The following XKR4 variants were observed in gnomAD, a reference collection of about 807,000 sequenced individuals.
The protein encoded by XKR4 is XK-related protein 4.
A neutral mutation model predicts 53.9 loss-of-function variants in XKR4; 12 were observed. The observed-to-expected ratio is 0.22, with a 90% CI of 0.14 to 0.36. The LOEUF (loss-of-function observed/expected upper bound fraction) is 0.36. XKR4 is among the 10% of genes least tolerant of loss of function. The pLI is 1.00. For missense variants in XKR4, 799 were observed against 859.5 expected, an observed-to-expected ratio of 0.93 and a Z score of 0.88; for synonymous variants, 354 against 362.4, an observed-to-expected ratio of 0.98 and a Z score of 0.26.
intron 1 of XKR4, among the ~76,000 whole-genome samples, chr8:55,324,959 A>C (rs894070474): frequency 4.6e-5 from 7 of 152,120 alleles, no homozygotes; most frequent in Non-Finnish European, 7.4e-5. Context: ...CTACAGGGTC[A>C]CTGATTGTTT....
At chr8:55,109,708 T>C (rs1026244117) in intron 1 of XKR4, among the ~76,000 whole-genome samples, 2 of 152,188 alleles carry the variant, frequency 1.3e-5, no homozygotes, top group Admixed American at 1.3e-4. Context: ...AGGGTAAATA[T>C]TTTTATACTT....
At chr8:55,179,877 G>C (rs1817283698) in intron 1 of XKR4, among the ~76,000 whole-genome samples, 1 of 152,018 alleles carries the variant, frequency 6.6e-6, no homozygotes, top group South Asian at 2.1e-4. Context: ...TTACATATTT[G>C]AATATAATCA....
intron 2 of XKR4, among the ~76,000 whole-genome samples, chr8:55,438,407 G>A (rs983326511): frequency 5.9e-5 from 9 of 151,942 alleles, no homozygotes; most frequent in African/African-American, 2.2e-4. Flanking sequence ...CCAACATGGT[G>A]AAACCCCGTC....
chr8:55,349,111 C>T (rs1446361751), intron 1 of XKR4, among the ~76,000 whole-genome samples: 6 of 152,138 alleles, frequency 3.9e-5, no homozygotes, highest in Non-Finnish European at 8.8e-5. Context: ...TTACTTATTG[C>T]TTACTAGGTA....
At chr8:55,454,501 G>A (rs576820829) in intron 2 of XKR4, 3 of 1,235,008 alleles carry the variant, frequency 2.4e-6, no homozygotes, top group African/African-American at 1.5e-5. Flanking sequence ...AAGACAGTAC[G>A]TTGGTGATGC....
intron 1 of XKR4, among the ~76,000 whole-genome samples, chr8:55,146,271 C>T (rs868512922): frequency 6.6e-6 from 1 of 152,124 alleles, no homozygotes; most frequent in Non-Finnish European, 1.5e-5. Flanking sequence ...ATGAGCTTGG[C>T]AGAGATGACT....
intron 1 of XKR4, among the ~76,000 whole-genome samples, chr8:55,275,025 A>G (rs868431477): frequency 6.6e-6 from 1 of 152,238 alleles, no homozygotes; most frequent in Non-Finnish European, 1.5e-5. Context: ...CTGGAATTTG[A>G]AAATCTTATT....
chr8:55,212,515 C>T (rs769706212), intron 1 of XKR4, among the ~76,000 whole-genome samples: 14 of 152,056 alleles, frequency 9.2e-5, no homozygotes, highest in Non-Finnish European at 2.9e-5. Context: ...AAATTCCAAG[C>T]GGAGGGAGGT....
chr8:55,500,870 A>C (rs1806425885), intron 2 of XKR4, among the ~76,000 whole-genome samples: 1 of 152,226 alleles, frequency 6.6e-6, no homozygotes, highest in African/African-American at 2.4e-5. Context: ...TCTAGTTCTA[A>C]ACCCAGGTTC....
At chr8:55,380,666 G>T (rs1279558419) in intron 2 of XKR4, among the ~76,000 whole-genome samples, 1 of 152,214 alleles carries the variant, frequency 6.6e-6, no homozygotes, top group Non-Finnish European at 1.5e-5. Flanking sequence ...ACACCCAAAT[G>T]CCAAGAGAGA....
chr8:55,230,789 G>T (rs1426359710), intron 1 of XKR4, among the ~76,000 whole-genome samples: 1 of 152,122 alleles, frequency 6.6e-6, no homozygotes, highest in Non-Finnish European at 1.5e-5. Flanking sequence ...CAAACCACTG[G>T]TCACCTTTAT....
intron 1 of XKR4, among the ~76,000 whole-genome samples, chr8:55,130,200 A>G (rs1286009522): frequency 6.6e-6 from 1 of 152,060 alleles, no homozygotes; most frequent in Admixed American, 6.6e-5. Context: ...ATACTCAAAA[A>G]AGCTAATAAA....
At chr8:55,336,007 CAT>C (rs1322673270) in intron 1 of XKR4, among the ~76,000 whole-genome samples, 63 of 118,408 alleles carry the variant, frequency 5.3e-4, no homozygotes, top group African/African-American at 1.8e-3. Flanking sequence ...CATGAATCCA[CAT>C]ATGTTATAAA....
intron 1 of XKR4, among the ~76,000 whole-genome samples, chr8:55,349,636 G>T (rs1318174249): frequency 1.3e-5 from 2 of 152,144 alleles, no homozygotes; most frequent in Admixed American, 6.6e-5. Flanking sequence ...ATGACGTTCA[G>T]GCAAATCACA....
In XKR4 at chr8:55,540,503, C is replaced by T. The variant is rs1807087055; in HGVS notation, c.*16276C>T. The T allele has an allele frequency of 6.6e-6, 1 of 152,176 alleles. No homozygotes were observed. The allele number at this position is 152,176 out of a possible 1,614,324, so 9.4% of individuals were successfully genotyped here. Reference sequence around the variant, plus strand: ...TAAAGAGCGCAGAAAGAGACCATAGCTATTCTTGGATGAGAACCTTGCCTC... The same window carrying T: ...TAAAGAGCGCAGAAAGAGACCATAGTTATTCTTGGATGAGAACCTTGCCTC... On this transcript the variant is annotated 3_prime_UTR_variant, in exon 3 of 3. Coordinates refer to ENST00000327381, the MANE Select transcript of XKR4 (RefSeq NM_052898.2).
At chr8:55,258,499 C>T (rs1271380023) in intron 1 of XKR4, among the ~76,000 whole-genome samples, 1 of 152,106 alleles carries the variant, frequency 6.6e-6, no homozygotes, top group Non-Finnish European at 1.5e-5. Flanking sequence ...CCCTGGAGAC[C>T]CTCCCTGCCT....
chr8:55,457,318 AT>A (rs1805586016), intron 2 of XKR4, among the ~76,000 whole-genome samples: 1 of 151,840 alleles, frequency 6.6e-6, no homozygotes, highest in Non-Finnish European at 1.5e-5. Context: ...AATTTTTTGT[AT>A]TTTTAGTAGA....
At chr8:55,451,476 G>C in intron 2 of XKR4, 1 of 1,227,362 alleles carries the variant, frequency 8.1e-7, no homozygotes, top group Non-Finnish European at 1.2e-6. Context: ...GGCTACTCGA[G>C]TCTGCCTGGA....
chr8:55,322,452 C>A (rs1394465740), intron 1 of XKR4, among the ~76,000 whole-genome samples: 2 of 152,198 alleles, frequency 1.3e-5, no homozygotes, highest in African/African-American at 4.8e-5. Context: ...ATCATACATG[C>A]CATCTCTTAC....
Sources: allele counts gnomAD v4.1 joint callset (sites outside exome capture counted in the v4.1 genomes callset), GRCh38; gene constraint gnomAD v4.1.1; transcripts MANE v1.5; gene names NCBI Gene and HGNC (gene_info 2026-07-23, HGNC 2026-07-21).